Variants in CACNA2D4 observed in about 807,000 individuals in gnomAD.
CACNA2D4 encodes calcium voltage-gated channel auxiliary subunit alpha2delta 4.
In CACNA2D4, 157 loss-of-function variants were observed where a neutral mutation model predicts 163.8. The ratio of observed to expected loss-of-function variants is 0.96; its 90% confidence interval spans 0.84 to 1.09. The LOEUF (loss-of-function observed/expected upper bound fraction) is 1.09, where lower values mean the gene tolerates loss of function less well. Among genes scored for constraint, CACNA2D4 ranks in the 50% least tolerant of loss-of-function variants. The pLI is 0.00. For synonymous variants in CACNA2D4, 598 were observed against 586.9 expected (o/e 1.02, Z -0.27); for missense variants, 1,410 against 1,479.9 (o/e 0.95, Z 0.78).
intron 23 of CACNA2D4, among the ~76,000 whole-genome samples, chr12:1,853,342 A>C (rs762663673): frequency 9.2e-5 from 14 of 152,194 alleles, no homozygotes; most frequent in Non-Finnish European, 1.9e-4. Flanking sequence ...TTTTATTAGG[A>C]TAGCACTAAA....
chr12:1,880,934 C>T (rs772025302), intron 13 of CACNA2D4, among the ~76,000 whole-genome samples: 3 of 152,202 alleles, frequency 2.0e-5, no homozygotes, highest in Non-Finnish European at 2.9e-5. Context: ...GTGGCCTGCT[C>T]TCCCTAGGAC....
chr12:1,804,042 G>A (rs770099882), intron 29 of CACNA2D4, among the ~76,000 whole-genome samples: 7 of 152,128 alleles, frequency 4.6e-5, no homozygotes, highest in Admixed American at 1.3e-4. Flanking sequence ...TCTTCACGGC[G>A]CAGCCCTGAA....
rs1480850504 is a variant in CACNA2D4, at chr12:1,843,562, AGG to A, written c.2470+838_2470+839del. 6.6e-6 allele frequency among the ~76,000 whole-genome samples: 1 copy of A among 152,058 alleles called. No individual in the cohort carries two copies. The highest frequency in any genetic ancestry group is 1.5e-5 in the Non-Finnish European group (1 of 67,982). ...CACTCACCTGGTGGAGGGGTGGTGG[AGG>A]GGTGGCTGTGCCATGCACTCTGGGA... is the stretch of plus-strand genomic sequence containing the variant. On this transcript the variant is annotated intron_variant, in intron 25 of 37. Coordinates refer to ENST00000382722, the MANE Select transcript of CACNA2D4 (RefSeq NM_172364.5). This position sits in a 1 kb window ranked among gnomAD's most constrained non-coding sequence, Gnocchi z 4.6.
chr12:1,907,800 C>T (rs61907993), intron 5 of CACNA2D4, 75 bp downstream of exon 5: 3 of 1,469,842 alleles, frequency 2.0e-6, no homozygotes, highest in Non-Finnish European at 2.8e-6. Flanking sequence ...GGTGGGTGTG[C>T]CTGGTGGGCG....
rs201081424 is a variant in CACNA2D4 at position 1,856,223 on chromosome 12, T to C, written c.2015A>G (p.His672Arg). The C allele has an allele frequency of 1.9e-6, 3 of 1,614,018 alleles. No homozygotes were observed. Among genetic ancestry groups the C allele is most frequent in the Non-Finnish European group, 2.5e-6 (3 of 1,179,882 alleles). ...LGNTSVEEGL[H>R]DLLHPDLALA... ...GGCCAGGTCTGGGTGAAGCAAGTCA[T>C]GCAGGCCTGAAACCAGAGTCCACAT... The change falls in exon 21 of 38, where the codon CAT (histidine) becomes CGT (arginine). Residue 672 changes from histidine (H) to arginine (R), a missense_variant. Coordinates refer to ENST00000382722, the MANE Select transcript of CACNA2D4 (RefSeq NM_172364.5).
chr12:1,872,526 G>T (rs888108558), intron 18 of CACNA2D4, among the ~76,000 whole-genome samples: 1 of 152,184 alleles, frequency 6.6e-6, no homozygotes, highest in African/African-American at 2.4e-5. Flanking sequence ...AAACCAGCTC[G>T]TAAGTTGAGA....
chr12:1,793,715 C>T lies in CACNA2D4; in HGVS notation c.3354G>A (p.Ser1118=), dbSNP rs374485519. ...DCGGASDTSA[S]PPLLLLPVCA... Reference sequence around the variant, plus strand: ...ACACAGGCAGCAGGAGTAGGGGCGGCGAGGCTGAGGTGTCCGAGGCGCCGC... The same window carrying T: ...ACACAGGCAGCAGGAGTAGGGGCGGTGAGGCTGAGGTGTCCGAGGCGCCGC... The change falls in exon 38 of 38, where the codon TCG becomes TCA. Residue 1118 remains serine, a synonymous_variant. Transcript: ENST00000382722. 79 of 1,613,402 alleles carry T rather than the reference C, an allele frequency of 4.9e-5. 1 individual carries two copies. Among genetic ancestry groups the T allele is most frequent in the Non-Finnish European group, 6.2e-5 (73 of 1,179,898 alleles).
chr12:1,835,907 C>A (rs1341439445), intron 26 of CACNA2D4: 1 of 152,468 alleles, frequency 6.6e-6, no homozygotes, highest in Non-Finnish European at 1.5e-5. Context: ...TGGCCTGTGA[C>A]TTCAGGGCTG....
At chr12:1,815,457 G>T (rs1202854596) in intron 26 of CACNA2D4, among the ~76,000 whole-genome samples, 1 of 150,390 alleles carries the variant, frequency 6.6e-6, no homozygotes, top group Non-Finnish European at 1.5e-5. Context: ...CAGCCAGGGG[G>T]ACCTCCCTCA....
chr12:1,797,352 G>A (rs1565667997), intron 35 of CACNA2D4, 66 bp downstream of exon 35: 14 of 1,212,502 alleles, frequency 1.2e-5, no homozygotes, highest in Non-Finnish European at 1.5e-5. Flanking sequence ...GGCCCTGCCC[G>A]CACTTCCGCC....
Position 1,882,861 on chromosome 12 carries a change from G to C in CACNA2D4, c.1485+6C>G. On this transcript the variant is annotated splice_donor_region_variant and intron_variant, in intron 13 of 37. Coordinates refer to ENST00000382722, the MANE Select transcript of CACNA2D4 (RefSeq NM_172364.5). Reference sequence around the variant, plus strand: ...TTCTCGAGCTGGGAGCTGCTGCCAGGCTCACCTTGCTGTCCATGTAGGCCT... The same window carrying C: ...TTCTCGAGCTGGGAGCTGCTGCCAGCCTCACCTTGCTGTCCATGTAGGCCT... 1 of 1,613,536 alleles carries C rather than the reference G, an allele frequency of 6.2e-7. No individual in the cohort carries two copies. Among genetic ancestry groups the C allele is most frequent in the Non-Finnish European group, 8.5e-7 (1 of 1,179,662 alleles).
chr12:1,845,195 G>C (rs1211912813), intron 24 of CACNA2D4, among the ~76,000 whole-genome samples: 1 of 152,184 alleles, frequency 6.6e-6, no homozygotes, highest in Admixed American at 6.5e-5. Context: ...TTGTGACACA[G>C]TTCCTGGGCT....
At chr12:1,812,758 A>G (rs1008171744) in intron 26 of CACNA2D4, among the ~76,000 whole-genome samples, 1 of 152,216 alleles carries the variant, frequency 6.6e-6, no homozygotes, top group South Asian at 2.1e-4. Flanking sequence ...CTCTCCCTGA[A>G]GCTGCCTCCT....
rs377756881 is a variant in CACNA2D4 at position 1,840,767 on chromosome 12, G to A, written c.2523C>T (p.Thr841=). 634 of 1,613,734 alleles carry A rather than the reference G, an allele frequency of 3.9e-4. 1 individual carries two copies. The highest frequency in any genetic ancestry group is 5.2e-4 in the Non-Finnish European group (615 of 1,179,876). ...CAGCAATGGCTGTCCTCTTGTCCAC[G>A]GTCACCGCCACAGCTGTGCTTGCCG... The part of the protein sequence containing the change: ...VVTASTAVAV[T]VDKRTAIAAA... Residue 841 remains threonine (T), a synonymous_variant, in exon 26 of 38, where the codon ACC becomes ACT. Transcript: ENST00000382722.
chr12:1,833,319 A>G lies in CACNA2D4; in HGVS notation c.2551+7420T>C, dbSNP rs1864713274. On this transcript the variant is annotated intron_variant, in intron 26 of 37. Transcript: ENST00000382722. This position sits in a 1 kb window ranked among gnomAD's most constrained non-coding sequence, Gnocchi z 4.2. ...CAGGGGGTCTAGTGCCTGCATCCAG[A>G]TTTCACTGGAAGCTGAAAGAGGGCC... Among the ~76,000 whole-genome samples the G allele has an allele frequency of 6.6e-6, 1 of 151,972 alleles. No homozygotes were observed. Among genetic ancestry groups the G allele is most frequent in the Non-Finnish European group, 1.5e-5 (1 of 68,000 alleles).
intron 26 of CACNA2D4, among the ~76,000 whole-genome samples, chr12:1,813,561 G>A (rs1296629526): frequency 1.3e-5 from 2 of 152,208 alleles, no homozygotes; most frequent in Non-Finnish European, 2.9e-5. Context: ...GCCACGTATG[G>A]TTGGTGGCCA....
Position 1,907,997 on chromosome 12 carries a change from T to G in CACNA2D4, c.527A>C (p.Glu176Ala). 1 of 1,614,044 alleles carries G rather than the reference T, an allele frequency of 6.2e-7. No individual in the cohort carries two copies. The highest frequency in any genetic ancestry group is 8.5e-7 in the Non-Finnish European group (1 of 1,179,886). ...YNSVLINERD[E>A]KGNFVELGAE... ...GCCCAGCTCCACGAAGTTGCCCTTC[T>G]CGTCCCTCTCGTTGATCAGGACCGA... is the stretch of plus-strand genomic sequence containing the variant. Residue 176 changes from glutamate (E) to alanine (A), a missense_variant, in exon 5 of 38, where the codon GAG (glutamate) becomes GCG (alanine). Physicochemically the swap from Glu to Ala is moderately radical, Grantham distance 107. Coordinates refer to ENST00000382722, the MANE Select transcript of CACNA2D4 (RefSeq NM_172364.5).
chr12:1,861,503 C>T (rs1415268107), intron 18 of CACNA2D4, among the ~76,000 whole-genome samples: 1 of 151,064 alleles, frequency 6.6e-6, no homozygotes, highest in East Asian at 1.9e-4. Flanking sequence ...AGTGCAATGG[C>T]GTGATCTTGA....
At position 1,875,209 on chromosome 12, in the gene CACNA2D4, A is replaced by G; in HGVS notation, c.1806+42T>C. The G allele has an allele frequency of 2.9e-6, 4 of 1,402,482 alleles. No individual in the cohort carries two copies. Among genetic ancestry groups the G allele is most frequent in the Non-Finnish European group, 4.1e-6 (4 of 987,492 alleles). The allele number at this position is 1,402,482 out of a possible 1,614,324, so 86.9% of individuals were successfully genotyped here. On this transcript the variant is annotated intron_variant, in intron 17 of 37. Transcript: ENST00000382722. This position sits in a 1 kb window ranked among gnomAD's most constrained non-coding sequence, Gnocchi z 4.0. ...ACAGCTGACCCATTTAGTTGGATGT[A>G]GAGCCTAACTAGCTTCCCTTCCCCC...
Sources: allele counts gnomAD v4.1 joint callset (sites outside exome capture counted in the v4.1 genomes callset), GRCh38; gene constraint gnomAD v4.1.1; non-coding constraint Gnocchi (gnomAD v3.1); transcripts MANE v1.5; gene names NCBI Gene and HGNC (gene_info 2026-07-23, HGNC 2026-07-21).